ANK3: variants seen among roughly 807,000 people sequenced by gnomAD.
ANK3 encodes the protein ankyrin-3.
Under a neutral mutation model 370.9 loss-of-function variants are expected in ANK3, and 57 were observed. The ratio of observed to expected loss-of-function variants is 0.15; its 90% CI spans 0.12 to 0.19. The LOEUF is 0.19. Ranked by LOEUF, ANK3 falls within the 10% of genes least tolerant of loss-of-function variation. The pLI is 1.00. For missense variants in ANK3, 4,439 were observed against 5,302.1 expected (o/e 0.84, Z 5.06); for synonymous variants, 1,929 against 1,946.3 (o/e 0.99, Z 0.23).
rs144194214 is a variant in ANK3, at chr10:60,336,094, G to C, written c.114+53331C>G. On this transcript the variant is annotated intron_variant, in intron 1 of 43. Transcript: ENST00000280772. ...AGGATTTTTAACATAGTTTGGCGGG[G>C]GGGGGAAGCTGGTGCCAAGGAGCAG... 1.4e-3 allele frequency among the ~76,000 whole-genome samples: 218 copies of C among 152,058 alleles called. 1 individual carries two copies. The Middle Eastern group carries it at 0.017, about 12-fold the overall frequency.
intron 1 of ANK3, among the ~76,000 whole-genome samples, chr10:60,681,873 T>A (rs894434642): frequency 5.9e-5 from 9 of 152,284 alleles, no homozygotes; most frequent in Non-Finnish European, 1.3e-4. Flanking sequence ...AACTACCAGC[T>A]GGACACAGTG....
At chr10:60,398,763 T>C (rs1266910229) in intron 2 of ANK3, among the ~76,000 whole-genome samples, 1 of 152,028 alleles carries the variant, frequency 6.6e-6, no homozygotes, top group Non-Finnish European at 1.5e-5. Context: ...AGAAAACAAT[T>C]TTAAGTAGTA....
chr10:60,117,856 G>A (rs1472535498), intron 25 of ANK3, among the ~76,000 whole-genome samples: 1 of 152,122 alleles, frequency 6.6e-6, no homozygotes, highest in Non-Finnish European at 1.5e-5. Context: ...AGCCACATAT[G>A]TGAGTAACAT....
At chr10:60,150,881 C>CT (rs1462708880) in intron 23 of ANK3, among the ~76,000 whole-genome samples, 1 of 152,140 alleles carries the variant, frequency 6.6e-6, no homozygotes, top group Non-Finnish European at 1.5e-5. Context: ...TCAGGTATTT[C>CT]TTTCTAGCAG....
chr10:60,691,883 C>T (rs183863146), intron 1 of ANK3, among the ~76,000 whole-genome samples: 1 of 152,286 alleles, frequency 6.6e-6, no homozygotes, highest in African/African-American at 2.4e-5. Context: ...CACATGCATG[C>T]ATATACACGT....
chr10:60,562,884 A>G (rs1012958302), intron 2 of ANK3, among the ~76,000 whole-genome samples: 1 of 152,230 alleles, frequency 6.6e-6, no homozygotes, highest in African/African-American at 2.4e-5. Context: ...TAATCGTGCA[A>G]TATTAATTAT....
intron 1 of ANK3, among the ~76,000 whole-genome samples, chr10:60,721,270 G>C (rs1034477171): frequency 1.3e-5 from 2 of 152,186 alleles, no homozygotes; most frequent in South Asian, 2.1e-4. Context: ...TGTCTTGAAG[G>C]AAGATTTTCC....
intron 1 of ANK3, among the ~76,000 whole-genome samples, chr10:60,351,381 A>G (rs1275384225): frequency 6.6e-6 from 1 of 152,186 alleles, no homozygotes; most frequent in African/African-American, 2.4e-5. Flanking sequence ...ATAACCCCTC[A>G]GATGCACGCT....
Position 60,069,347 on chromosome 10 carries a change from T to A in ANK3, c.11534A>T (p.Lys3845Ile). The A allele has an allele frequency of 6.2e-7, 1 of 1,614,150 alleles. No individual in the cohort carries two copies. The highest frequency in any genetic ancestry group is 8.5e-7 in the Non-Finnish European group (1 of 1,180,032). Residue 3845 changes from lysine (K) to isoleucine (I), a missense_variant, in exon 37 of 44, where the codon AAA becomes ATA. Around this residue, in one of 13 missense-constraint regions of ANK3, gnomAD observed 496 missense variants for 529.3 expected, o/e 0.94. Transcript: ENST00000280772. Reference sequence around the variant, plus strand: ...TGTTTTTTGCTGTTCTCCAAGAACTTTCTGCTTATCTCTTACACAGTGTCC... The same window carrying A: ...TGTTTTTTGCTGTTCTCCAAGAACTATCTGCTTATCTCTTACACAGTGTCC... ...LQGHCVRDKQKVLGEQQKTKE... is the reference protein window; with the variant it reads ...LQGHCVRDKQIVLGEQQKTKE...
In ANK3 at chr10:60,064,191, T is replaced by C. The variant is rs998329139; in HGVS notation, c.12417A>G (p.Lys4139=). The change falls in exon 39 of 44, where the codon AAA becomes AAG. Residue 4139 remains lysine, a synonymous_variant. Coordinates refer to ENST00000280772, the MANE Select transcript of ANK3 (RefSeq NM_020987.5). ...SLISQSFMLL[K]KWVTRDGKNA... ...TTTTTCCGTCTCTGGTAACCCATTT[T>C]TTTAATAACATGAAGCTCTGAGAAA... The C allele has an allele frequency of 1.9e-6, 3 of 1,573,896 alleles. No homozygotes were observed. In the Admixed American group the frequency reaches 6.4e-5, roughly 33 times the overall value.
chr10:60,652,653 T>G (rs572781073), intron 1 of ANK3, among the ~76,000 whole-genome samples: 1 of 147,244 alleles, frequency 6.8e-6, no homozygotes, highest in South Asian at 2.2e-4. Flanking sequence ...TTGTTTACCA[T>G]ATTATTGTTT....
chr10:60,418,679 TG>T (rs1435574794), intron 2 of ANK3, among the ~76,000 whole-genome samples: 2 of 151,592 alleles, frequency 1.3e-5, no homozygotes. Context: ...AAAGTATAAA[TG>T]TGTCTCCAAT....
chr10:60,079,651 C>T (rs1564855161), intron 36 of ANK3, among the ~76,000 whole-genome samples: 2 of 152,142 alleles, frequency 1.3e-5, no homozygotes, highest in South Asian at 2.1e-4. Flanking sequence ...TGTATAATTT[C>T]CCCTCATTTA....
intron 7 of ANK3, among the ~76,000 whole-genome samples, chr10:60,239,484 C>T (rs73269493): frequency 0.02 from 3,041 of 152,140 alleles, 92 homozygotes; most frequent in African/African-American, 0.067. Context: ...AAAGAAGTGA[C>T]ATCTTTAAAT....
At position 60,640,418 on chromosome 10, in the gene ANK3, C is replaced by T. The variant is rs200640232; in HGVS notation, c.58-25194G>A. 4.5e-3 allele frequency among the ~76,000 whole-genome samples: 648 copies of T among 144,504 alleles called. 11 individuals carry two copies. Among genetic ancestry groups the T allele is most frequent in the South Asian group, 0.02 (80 of 4,064 alleles). The allele number at this position is 144,504 out of a possible 152,430, so 94.8% of individuals were successfully genotyped here. On this transcript the variant is annotated intron_variant, in intron 1 of 43. Transcript: ENST00000373827. ...AATACTGGCAAACCAAATCCAGCAG[C>T]ACATCAAAAAGCTTATCCACCATGA... is the stretch of plus-strand genomic sequence containing the variant.
At chr10:60,089,352 C>T (rs2087565787) in intron 28 of ANK3, among the ~76,000 whole-genome samples, 1 of 152,156 alleles carries the variant, frequency 6.6e-6, no homozygotes. Flanking sequence ...CTCTTTTGGA[C>T]GTGGCTCACC....
upstream of ANK3, among the ~76,000 whole-genome samples, chr10:60,394,734 C>T (rs1241619759): frequency 1.3e-5 from 2 of 152,168 alleles, no homozygotes; most frequent in Admixed American, 6.5e-5. Context: ...GTTCTGAGTG[C>T]AAAGCAGGCA....
chr10:60,237,573 A>G (rs1592223496), intron 7 of ANK3, among the ~76,000 whole-genome samples: 1 of 151,692 alleles, frequency 6.6e-6, no homozygotes, highest in African/African-American at 2.4e-5. Context: ...GATGACAAAA[A>G]GGTGCCTTGA....
intron 1 of ANK3, among the ~76,000 whole-genome samples, chr10:60,643,734 ATC>A: frequency 6.6e-6 from 1 of 152,088 alleles, no homozygotes; most frequent in Non-Finnish European, 1.5e-5. Context: ...CCAGTGGTTA[ATC>A]CACAAATGGA....
Sources: allele counts gnomAD v4.1 joint callset (sites outside exome capture counted in the v4.1 genomes callset), GRCh38; gene constraint gnomAD v4.1.1; regional missense constraint gnomAD v4.1.1; transcripts MANE v1.5; gene names NCBI Gene and HGNC (gene_info 2026-07-23, HGNC 2026-07-21).